NMT1: variants seen among roughly 807,000 people sequenced by gnomAD.
The protein encoded by NMT1 is glycylpeptide N-tetradecanoyltransferase 1.
NMT1 carries 12 observed loss-of-function variants against 63.4 expected under a neutral mutation model. That is an observed-to-expected ratio of 0.19 (90% CI 0.12 to 0.31). The LOEUF (loss-of-function observed/expected upper bound fraction) is 0.31, where lower values mean the gene tolerates loss of function less well. NMT1 is among the 10% of genes least tolerant of loss of function. The probability of loss-of-function intolerance (pLI) is 1.00; values close to 1 mark genes in which losing one functional copy is unlikely to be tolerated. For synonymous variants in NMT1, 228 were observed against 234.3 expected, an observed-to-expected ratio of 0.97 and a Z score of 0.25; for missense variants, 432 against 634.6, an observed-to-expected ratio of 0.68 and a Z score of 3.43.
At chr17:45,070,771 C>T (rs1046991086) in intron 1 of NMT1, among the ~76,000 whole-genome samples, 23 of 152,160 alleles carry the variant, frequency 1.5e-4, no homozygotes, top group Non-Finnish European at 2.8e-4. Context: ...AGGCTTGTCT[C>T]GAGCTCCAGA....
intron 1 of NMT1, among the ~76,000 whole-genome samples, chr17:45,080,883 C>T (rs888806682): frequency 2.0e-5 from 3 of 152,226 alleles, no homozygotes. Context: ...TCTCCTGCCT[C>T]GTCCTCCTGA....
chr17:45,101,108 C>T (rs1299968785), intron 8 of NMT1, among the ~76,000 whole-genome samples: 32 of 144,488 alleles, frequency 2.2e-4, no homozygotes, highest in South Asian at 6.9e-4. Context: ...GGCGTGAACC[C>T]GGGAGGCGGA....
At chr17:45,066,046 T>C (rs2053900717) in intron 1 of NMT1, among the ~76,000 whole-genome samples, 1 of 151,888 alleles carries the variant, frequency 6.6e-6, no homozygotes, top group African/African-American at 2.4e-5. Context: ...AAAGTCATAG[T>C]ACTCTATGCT....
intron 3 of NMT1, among the ~76,000 whole-genome samples, chr17:45,090,216 C>T (rs1012854025): frequency 6.6e-6 from 1 of 152,000 alleles, no homozygotes; most frequent in Non-Finnish European, 1.5e-5. Flanking sequence ...TCCTGGAGGT[C>T]GAGGCTGTAG....
chr17:45,104,746 AC>A lies in NMT1; in HGVS notation c.1333-111del. The A allele has an allele frequency of 6.5e-7, 1 of 1,535,048 alleles. No individual in the cohort carries two copies. The highest frequency in any genetic ancestry group is 1.3e-5 in the South Asian group (1 of 79,624). On this transcript the variant is annotated intron_variant, in intron 10 of 11. Transcript: ENST00000258960. The surrounding 1 kb of genome is among the most constrained non-coding windows in gnomAD (Gnocchi z 4.2). ...TGGAAGCAGCGGAGCTTCTGAGGGA[AC>A]CTTGTTCTTGTGGCTGCCCACAGGA...
intron 7 of NMT1, 77 bp downstream of exon 7, chr17:45,098,629 C>A: frequency 7.3e-7 from 1 of 1,366,344 alleles, no homozygotes; most frequent in Non-Finnish European, 1.0e-6. Flanking sequence ...CACTGTGAGT[C>A]ACAGCTCCGC....
chr17:45,081,538 A>T, intron 1 of NMT1, 106 bp from the exon 2 acceptor site: 1 of 999,284 alleles, frequency 1.0e-6, no homozygotes, highest in Admixed American at 2.3e-5. Flanking sequence ...TCTGAAGCCA[A>T]CAGGCTTGAT....
chr17:45,083,003 T>G (rs754298847), intron 2 of NMT1, among the ~76,000 whole-genome samples: 21 of 149,424 alleles, frequency 1.4e-4, no homozygotes, highest in Admixed American at 8.1e-4. Flanking sequence ...GGCAACAGAG[T>G]GAGACTCTGT....
In NMT1 at chr17:45,072,562, G is replaced by T. The variant is rs180918736; in HGVS notation, c.132-9082G>T. The stretch of plus-strand genomic sequence containing the variant: ...TTACAGGTGTGAGCCACCGCACCTG[G>T]CCTATTTTTTTTTTTGAGATGGAGT... On this transcript the variant is annotated intron_variant, in intron 1 of 11. Coordinates refer to ENST00000258960, the MANE Select transcript of NMT1 (RefSeq NM_021079.5). 2.7e-5 allele frequency among the ~76,000 whole-genome samples: 4 copies of T among 149,740 alleles called. No individual in the cohort carries two copies. The Admixed American group carries it at 2.7e-4, about 10-fold the overall frequency.
At chr17:45,081,054 T>G (rs2143479645) in intron 1 of NMT1, among the ~76,000 whole-genome samples, 1 of 152,336 alleles carries the variant, frequency 6.6e-6, no homozygotes, top group Admixed American at 6.5e-5. Flanking sequence ...AGGTGTGAGC[T>G]ACCACGCCTG....
intron 3 of NMT1, among the ~76,000 whole-genome samples, chr17:45,092,728 AAAAG>A (rs1283852997): frequency 2.7e-5 from 4 of 150,600 alleles, no homozygotes; most frequent in East Asian, 1.9e-4. Flanking sequence ...AAAAGAAAAG[AAAAG>A]AAAAAAAAAA....
chr17:45,081,856 T>C (rs1216422565), intron 2 of NMT1, 104 bp downstream of exon 2: 1 of 871,370 alleles, frequency 1.1e-6, no homozygotes, highest in African/African-American at 1.7e-5. Context: ...TCCACTGGTA[T>C]TACTTCAAGA....
At chr17:45,061,583 A>G (rs2053859026) in intron 1 of NMT1, 123 bp downstream of exon 1, 3 of 834,430 alleles carry the variant, frequency 3.6e-6, no homozygotes, top group Admixed American at 3.2e-5. Flanking sequence ...CTAAGTCACT[A>G]GGATTCTGCC....
intron 4 of NMT1, among the ~76,000 whole-genome samples, chr17:45,095,497 A>C (rs1598016404): frequency 6.6e-6 from 1 of 152,310 alleles, no homozygotes; most frequent in South Asian, 2.1e-4. Context: ...GTGGTGGCTC[A>C]CACCTGTAAT....
At chr17:45,091,186 T>TCACACACACACA (rs1567868410) in intron 3 of NMT1, among the ~76,000 whole-genome samples, 7 of 71,812 alleles carry the variant, frequency 9.7e-5, no homozygotes, top group African/African-American at 1.8e-4. Context: ...AGGTCTTTCC[T>TCACACACACACA]GACACACACA....
rs760645861 is a variant in NMT1 at position 45,103,157 on chromosome 17, G to A, written c.1164+36G>A. The A allele has an allele frequency of 1.5e-5, 24 of 1,577,956 alleles. No homozygotes were observed. The Admixed American group carries it at 2.2e-4, about 14-fold the overall frequency. On this transcript the variant is annotated intron_variant, in intron 9 of 11. Coordinates refer to ENST00000258960, the MANE Select transcript of NMT1 (RefSeq NM_021079.5). This position sits in a 1 kb window ranked among gnomAD's most constrained non-coding sequence, Gnocchi z 4.8. ...GAGTGGTGTTCCAGGTCTCTAACAC[G>A]TTCCCAGAGAGGCACCCCCCTGAGT...
chr17:45,091,039 A>G (rs1169752788), intron 3 of NMT1, among the ~76,000 whole-genome samples: 1 of 152,144 alleles, frequency 6.6e-6, no homozygotes, highest in Non-Finnish European at 1.5e-5. Flanking sequence ...GTGGGAGTCT[A>G]GTAAAAGTGG....
intron 1 of NMT1, among the ~76,000 whole-genome samples, chr17:45,080,530 A>T (rs1385577804): frequency 1.6e-5 from 2 of 124,932 alleles, no homozygotes; most frequent in Non-Finnish European, 3.2e-5. Flanking sequence ...ATGCAGTGGC[A>T]TGATCTCGGC....
intron 1 of NMT1, among the ~76,000 whole-genome samples, chr17:45,073,518 T>A (rs1051658838): frequency 1.3e-5 from 2 of 152,208 alleles, no homozygotes; most frequent in Middle Eastern, 6.8e-3. Context: ...TTTAGGAGAT[T>A]ATAGTTTTAA....
Sources: allele counts gnomAD v4.1 joint callset (sites outside exome capture counted in the v4.1 genomes callset), GRCh38; gene constraint gnomAD v4.1.1; non-coding constraint Gnocchi (gnomAD v3.1); transcripts MANE v1.5; gene names NCBI Gene and HGNC (gene_info 2026-07-23, HGNC 2026-07-21).